Variants in WFDC11 observed in about 807,000 individuals in gnomAD.
The protein encoded by WFDC11 is protein WFDC11.
WFDC11 carries 9 observed loss-of-function variants against 9.9 expected under a neutral mutation model. The ratio of observed to expected loss-of-function variants is 0.91; its 90% CI spans 0.55 to 1.58. WFDC11 has a LOEUF of 1.58. Ranked by LOEUF, WFDC11 falls within the 40% of genes most tolerant of loss-of-function variation. The probability of loss-of-function intolerance (pLI) is 0.00; values close to 1 mark genes in which losing one functional copy is unlikely to be tolerated. For synonymous variants in WFDC11, 32 were observed against 33.3 expected, an observed-to-expected ratio of 0.96 and a Z score of 0.13; for missense variants, 106 against 101.7, an observed-to-expected ratio of 1.04 and a Z score of -0.18.
intron 2 of WFDC11, among the ~76,000 whole-genome samples, chr20:45,655,971 C>T (rs1982921701): frequency 6.6e-6 from 1 of 151,988 alleles, no homozygotes; most frequent in Non-Finnish European, 1.5e-5. Flanking sequence ...ATGCTCATGG[C>T]TAGGAAGAAT....
intron 1 of WFDC11, among the ~76,000 whole-genome samples, 163 bp from the exon 2 acceptor site, chr20:45,667,332 G>T (rs1331408270): frequency 1.3e-5 from 2 of 152,186 alleles, no homozygotes; most frequent in African/African-American, 4.8e-5. Flanking sequence ...TCTTTTTGCT[G>T]CAGGCAATAT....
At chr20:45,662,395 T>C (rs1186188953) in intron 2 of WFDC11, among the ~76,000 whole-genome samples, 3 of 152,146 alleles carry the variant, frequency 2.0e-5, no homozygotes, top group South Asian at 2.1e-4. Flanking sequence ...CTTTTCCTAA[T>C]TGAATACACT....
Position 45,648,591 on chromosome 20 carries a change from G to A in WFDC11, c.*128C>T, listed in dbSNP as rs2145613650. The A allele has an allele frequency of 2.0e-6, 2 of 989,136 alleles. No homozygotes were observed. The highest frequency in any genetic ancestry group is 2.6e-5 in the East Asian group (1 of 38,930). The allele number at this position is 989,136 out of a possible 1,614,324, so 61.3% of individuals were successfully genotyped here. A position where few individuals can be genotyped will look rare whatever the true frequency, so the allele number is the denominator to read the frequency against. On this transcript the variant is annotated 3_prime_UTR_variant, in exon 5 of 5. Coordinates refer to ENST00000324384, the MANE Select transcript of WFDC11 (RefSeq NM_147197.2). ...TGGTAAATAAGTTTATTTGTCAAGT[G>A]TTTGCTGTTGTCCAGCTCTCAGTAA...
chr20:45,662,790 A>C (rs1332043027), intron 2 of WFDC11, among the ~76,000 whole-genome samples: 1 of 152,182 alleles, frequency 6.6e-6, no homozygotes, highest in East Asian at 1.9e-4. Flanking sequence ...ATGGTGGATA[A>C]GCTTTTTGAT....
At chr20:45,661,887 T>C (rs1041293750) in intron 2 of WFDC11, among the ~76,000 whole-genome samples, 2 of 152,150 alleles carry the variant, frequency 1.3e-5, no homozygotes, top group South Asian at 4.1e-4. Context: ...CTTAGGATTG[T>C]CTTGGTGATG....
chr20:45,667,899 C>A (rs1348303120), intron 1 of WFDC11, among the ~76,000 whole-genome samples: 2 of 152,176 alleles, frequency 1.3e-5, no homozygotes, highest in African/African-American at 2.4e-5. Context: ...TTCAGAATCA[C>A]CCAGTTGGAC....
intron 4 of WFDC11, 103 bp downstream of exon 4, chr20:45,649,154 T>A (rs2145613994): frequency 7.2e-7 from 1 of 1,395,386 alleles, no homozygotes; most frequent in Non-Finnish European, 9.8e-7. Flanking sequence ...TTTTTGTACC[T>A]AGAATTTGGG....
chr20:45,668,969 TTC>T (rs1442275373), intron 1 of WFDC11, among the ~76,000 whole-genome samples: 2 of 152,144 alleles, frequency 1.3e-5, no homozygotes, highest in Non-Finnish European at 2.9e-5. Flanking sequence ...ATATTACCAA[TTC>T]TCTCTTCATA....
At chr20:45,659,153 A>G (rs1982999449) in intron 2 of WFDC11, among the ~76,000 whole-genome samples, 1 of 152,224 alleles carries the variant, frequency 6.6e-6, no homozygotes, top group Non-Finnish European at 1.5e-5. Context: ...TGCTATTGTA[A>G]ATAGTGCTGC....
intron 2 of WFDC11, among the ~76,000 whole-genome samples, chr20:45,660,123 T>C (rs898432295): frequency 1.3e-5 from 2 of 152,180 alleles, no homozygotes; most frequent in Non-Finnish European, 2.9e-5. Context: ...CAATTTGTGC[T>C]CTTTCAGTCT....
chr20:45,658,388 T>C (rs1300750999), intron 2 of WFDC11, among the ~76,000 whole-genome samples: 2 of 152,192 alleles, frequency 1.3e-5, no homozygotes, highest in African/African-American at 2.4e-5. Context: ...CTGCTTGTTA[T>C]TGGTCTGTTC....
chr20:45,655,008 G>C (rs929607961), intron 2 of WFDC11, among the ~76,000 whole-genome samples: 5 of 152,194 alleles, frequency 3.3e-5, no homozygotes, highest in Non-Finnish European at 7.3e-5. Context: ...GAGGTACAAG[G>C]AGAAGCTGGT....
intron 2 of WFDC11, among the ~76,000 whole-genome samples, chr20:45,651,489 T>C (rs922802421): frequency 8.5e-5 from 13 of 152,128 alleles, no homozygotes; most frequent in African/African-American, 2.9e-4. Context: ...AGGGGCTGAA[T>C]AGGAACAGCT....
At chr20:45,666,006 T>C (rs1568664597) in intron 2 of WFDC11, among the ~76,000 whole-genome samples, 1 of 152,160 alleles carries the variant, frequency 6.6e-6, no homozygotes. Flanking sequence ...TTGCCTTTTG[T>C]TTAGATATGC....
intron 2 of WFDC11, among the ~76,000 whole-genome samples, chr20:45,661,776 T>C (rs920351426): frequency 6.6e-6 from 1 of 152,158 alleles, no homozygotes; most frequent in African/African-American, 2.4e-5. Flanking sequence ...CATTGATCTA[T>C]ATCTCCGTTT....
chr20:45,661,654 G>A (rs1415645727), intron 2 of WFDC11, among the ~76,000 whole-genome samples: 1 of 152,010 alleles, frequency 6.6e-6, no homozygotes, highest in Non-Finnish European at 1.5e-5. Flanking sequence ...AGTTTTCCCA[G>A]CACCATTTAT....
intron 2 of WFDC11, among the ~76,000 whole-genome samples, chr20:45,653,243 T>C (rs1982850597): frequency 6.6e-6 from 1 of 152,118 alleles, no homozygotes; most frequent in Non-Finnish European, 1.5e-5. Context: ...GCAGAAACTC[T>C]ACAAGCCAGA....
chr20:45,655,211 G>A lies in WFDC11; in HGVS notation c.-51-4560C>T, dbSNP rs574703465. 5.5e-3 allele frequency among the ~76,000 whole-genome samples: 840 copies of A among 152,302 alleles called. 6 individuals are homozygous for A. The highest frequency in any genetic ancestry group is 0.019 in the African/African-American group (806 of 41,548). ...AAATACTGGCAAACTGAATCCAGCA[G>A]CACATCAAAAAGCTTATCCACCATG... On this transcript the variant is annotated intron_variant, in intron 2 of 4. Coordinates refer to ENST00000324384, the MANE Select transcript of WFDC11 (RefSeq NM_147197.2).
intron 2 of WFDC11, among the ~76,000 whole-genome samples, chr20:45,654,305 ACTGAACAAC>A (rs1568661731): frequency 6.6e-6 from 1 of 152,244 alleles, no homozygotes; most frequent in Non-Finnish European, 1.5e-5. Context: ...ATACTTGGAA[ACTGAACAAC>A]CTGCTCCTGA....
Sources: allele counts gnomAD v4.1 joint callset (sites outside exome capture counted in the v4.1 genomes callset), GRCh38; gene constraint gnomAD v4.1.1; transcripts MANE v1.5; gene names NCBI Gene and HGNC (gene_info 2026-07-23, HGNC 2026-07-21).